The following SPIN1 variants were observed in gnomAD, a reference collection of about 807,000 sequenced individuals.
SPIN1 encodes the protein spindlin 1.
In SPIN1, 3 loss-of-function variants were observed where a neutral mutation model predicts 26.0. That is an observed-to-expected ratio of 0.12 (90% confidence interval 0.05 to 0.30). The LOEUF (loss-of-function observed/expected upper bound fraction) is 0.30, where lower values mean the gene tolerates loss of function less well. Among genes scored for constraint, SPIN1 ranks in the 10% least tolerant of loss-of-function variants. The probability of loss-of-function intolerance (pLI) is 1.00; values close to 1 mark genes in which losing one functional copy is unlikely to be tolerated. For synonymous variants in SPIN1, 101 were observed against 116.5 expected, an observed-to-expected ratio of 0.87 and a Z score of 0.86; for missense variants, 126 against 333.4, an observed-to-expected ratio of 0.38 and a Z score of 4.84.
At chr9:88,472,936 TC>T (rs1327110352) in intron 5 of SPIN1, among the ~76,000 whole-genome samples, 3 of 152,240 alleles carry the variant, frequency 2.0e-5, no homozygotes, top group Non-Finnish European at 4.4e-5. Context: ...AACACATGAA[TC>T]TCTGGCCTTG....
chr9:88,428,884 C>T (rs1827811552), intron 2 of SPIN1, among the ~76,000 whole-genome samples: 1 of 152,058 alleles, frequency 6.6e-6, no homozygotes, highest in African/African-American at 2.4e-5. Context: ...TTCTCTCTTT[C>T]TTTTTTAAAG....
intron 3 of SPIN1, among the ~76,000 whole-genome samples, chr9:88,459,200 A>C (rs1828529946): frequency 6.6e-6 from 1 of 152,210 alleles, no homozygotes; most frequent in Non-Finnish European, 1.5e-5. Context: ...CTGTACGGGG[A>C]GTAACTCATT....
intron 3 of SPIN1, among the ~76,000 whole-genome samples, chr9:88,450,552 A>G (rs1384700531): frequency 6.6e-6 from 1 of 152,174 alleles, no homozygotes; most frequent in African/African-American, 2.4e-5. Flanking sequence ...CTGTTCATTA[A>G]TTCATAGGTT....
At chr9:88,425,848 C>A (rs1827755128) in intron 1 of SPIN1, among the ~76,000 whole-genome samples, 1 of 152,076 alleles carries the variant, frequency 6.6e-6, no homozygotes, top group African/African-American at 2.4e-5. Context: ...TTTCTCTTGC[C>A]CAAGACCCTG....
chr9:88,471,217 A>G (rs2118227783), intron 5 of SPIN1, among the ~76,000 whole-genome samples: 1 of 152,232 alleles, frequency 6.6e-6, no homozygotes, highest in African/African-American at 2.4e-5. Context: ...TTTTATAATT[A>G]TAGCTCTTAC....
rs1171749875 is a variant in SPIN1, at chr9:88,388,482, C to G, written c.-215C>G. On this transcript the variant is annotated 5_prime_UTR_variant, in exon 1 of 6. Coordinates refer to ENST00000375859, the MANE Select transcript of SPIN1 (RefSeq NM_006717.3). ...GCTCAGGCTGGGGCCGGCGGGAGCG[C>G]GAACGAGCGACGGCGGAACCCGTGG... is the stretch of plus-strand genomic sequence containing the variant. 2.7e-5 allele frequency: 4 copies of G among 147,654 alleles called. No homozygotes were observed. Among genetic ancestry groups the G allele is most frequent in the Admixed American group, 1.3e-4 (2 of 14,856 alleles). 9.1% of individuals were successfully genotyped at this position (147,654 alleles called of 1,614,324 possible).
At position 88,422,776 on chromosome 9, in the gene SPIN1, C is replaced by T. The variant is rs559527895; in HGVS notation, c.-158-3606C>T. On this transcript the variant is annotated intron_variant, in intron 1 of 5. Coordinates refer to ENST00000375859, the MANE Select transcript of SPIN1 (RefSeq NM_006717.3). Reference sequence around the variant, plus strand: ...CCAGGCTGGAGTGCAGTGGCACTATCTCAGCTTACTGCAACCTCTGCCTCC... The same window carrying T: ...CCAGGCTGGAGTGCAGTGGCACTATTTCAGCTTACTGCAACCTCTGCCTCC... 3.3e-5 allele frequency among the ~76,000 whole-genome samples: 5 copies of T among 150,714 alleles called. No homozygotes were observed. The East Asian group carries it at 9.8e-4, about 30-fold the overall frequency.
In SPIN1 at chr9:88,476,341, T is replaced by C. The variant is rs1828888657; in HGVS notation, c.*1064T>C. ...GTGGCATTGTTGCCTTCTAACAAGC[T>C]CTCTGGGACTTTTAAAGTTTTATTA... is the stretch of plus-strand genomic sequence containing the variant. On this transcript the variant is annotated 3_prime_UTR_variant, in exon 6 of 6. Transcript: ENST00000375859. 1 of 152,192 alleles carries C rather than the reference T, an allele frequency of 6.6e-6. No homozygotes were observed. Among genetic ancestry groups the C allele is most frequent in the Admixed American group, 6.5e-5 (1 of 15,270 alleles). The allele number at this position is 152,192 out of a possible 1,614,324, so 9.4% of individuals were successfully genotyped here. A position where few individuals can be genotyped will look rare whatever the true frequency, so the allele number is the denominator to read the frequency against.
intron 1 of SPIN1, among the ~76,000 whole-genome samples, chr9:88,392,800 G>A (rs1826960048): frequency 6.6e-6 from 1 of 152,158 alleles, no homozygotes; most frequent in African/African-American, 2.4e-5. Context: ...TAAATGCCCA[G>A]TTGATATTGA....
rs1256115914 is a variant in SPIN1, at chr9:88,477,836, A to G, written c.*2559A>G. 6.6e-6 allele frequency: 1 copy of G among 152,190 alleles called. No individual in the cohort carries two copies. The highest frequency in any genetic ancestry group is 1.5e-5 in the Non-Finnish European group (1 of 68,020). 9.4% of individuals were successfully genotyped at this position (152,190 alleles called of 1,614,324 possible). A position where few individuals can be genotyped will look rare whatever the true frequency, so the allele number is the denominator to read the frequency against. ...CATTTACCTGCTCTAGTATTATTGT[A>G]TTGTGTGTGCGTGCGTGTGTGATGT... On this transcript the variant is annotated 3_prime_UTR_variant, in exon 6 of 6. Coordinates refer to ENST00000375859, the MANE Select transcript of SPIN1 (RefSeq NM_006717.3).
In SPIN1 at chr9:88,426,481, GA is replaced by G; in HGVS notation, c.-58del. Reference sequence around the variant, plus strand: ...ACATTCTGTGAAAAGTTTCAAATTGGAGAATATTGAATTTTCACCCTAGTCC... The same window carrying G: ...ACATTCTGTGAAAAGTTTCAAATTGGGAATATTGAATTTTCACCCTAGTCC... On this transcript the variant is annotated 5_prime_UTR_variant, in exon 2 of 6. Transcript: ENST00000375859. 3.6e-6 allele frequency: 5 copies of G among 1,395,414 alleles called. No homozygotes were observed. The highest frequency in any genetic ancestry group is 5.0e-6 in the Non-Finnish European group (5 of 991,502). The allele number at this position is 1,395,414 out of a possible 1,614,324, so 86.4% of individuals were successfully genotyped here. A position where few individuals can be genotyped will look rare whatever the true frequency, so the allele number is the denominator to read the frequency against.
chr9:88,449,693 A>G lies in SPIN1; in HGVS notation c.101+704A>G, dbSNP rs535514945. Among the ~76,000 whole-genome samples, 9 of 152,290 alleles carry G rather than the reference A, an allele frequency of 5.9e-5. No homozygotes were observed. The South Asian group carries it at 1.5e-3, about 25-fold the overall frequency. ...ATTATATCTAATAGATTTCACAACTATCTATCCTATACTGATAACTATGCC... is the reference window on the plus strand; with the variant it reads ...ATTATATCTAATAGATTTCACAACTGTCTATCCTATACTGATAACTATGCC... On this transcript the variant is annotated intron_variant, in intron 3 of 5. Coordinates refer to ENST00000375859, the MANE Select transcript of SPIN1 (RefSeq NM_006717.3).
At chr9:88,425,821 G>T (rs1431549451) in intron 1 of SPIN1, among the ~76,000 whole-genome samples, 1 of 152,154 alleles carries the variant, frequency 6.6e-6, no homozygotes, top group Non-Finnish European at 1.5e-5. Context: ...ACTCAGAGAC[G>T]TGTTTGGCTA....
chr9:88,466,088 A>G (rs1828662464), intron 4 of SPIN1, among the ~76,000 whole-genome samples: 1 of 152,226 alleles, frequency 6.6e-6, no homozygotes, highest in East Asian at 1.9e-4. Flanking sequence ...CATTTTCTGA[A>G]GTAGTAAATA....
chr9:88,404,289 G>A (rs1827249896), intron 1 of SPIN1, among the ~76,000 whole-genome samples: 1 of 152,180 alleles, frequency 6.6e-6, no homozygotes, highest in African/African-American at 2.4e-5. Context: ...ACACTGTACA[G>A]TTAGGCTACA....
intron 3 of SPIN1, among the ~76,000 whole-genome samples, chr9:88,461,917 A>G (rs895466190): frequency 2.0e-5 from 3 of 152,192 alleles, no homozygotes; most frequent in Non-Finnish European, 4.4e-5. Context: ...TAGACAAGTA[A>G]TGTTTCTATA....
intron 1 of SPIN1, among the ~76,000 whole-genome samples, chr9:88,414,225 C>T (rs1279524926): frequency 6.6e-6 from 1 of 152,134 alleles, no homozygotes; most frequent in East Asian, 1.9e-4. Flanking sequence ...GAATCATTGG[C>T]CTTGAGCTTG....
chr9:88,404,411 CT>C (rs1284937913), intron 1 of SPIN1, among the ~76,000 whole-genome samples: 1 of 152,156 alleles, frequency 6.6e-6, no homozygotes. Flanking sequence ...AGCGAAGACA[CT>C]TTTTTCTTGC....
chr9:88,445,064 G>A (rs1828218753), intron 2 of SPIN1, among the ~76,000 whole-genome samples: 1 of 152,186 alleles, frequency 6.6e-6, no homozygotes, highest in South Asian at 2.1e-4. Context: ...GGACATAGGG[G>A]GATGTTTGGC....
Sources: gnomAD v4.1 joint callset for allele counts (sites outside exome capture counted in the v4.1 genomes callset) on GRCh38, gnomAD v4.1.1 for gene constraint, MANE v1.5 for transcripts, NCBI Gene and HGNC (gene_info 2026-07-23, HGNC 2026-07-21) for gene names.